Variants in NISCH observed in about 807,000 individuals in gnomAD.
The protein encoded by NISCH is nischarin.
In NISCH, 55 loss-of-function variants were observed where a neutral mutation model predicts 138.4. The ratio of observed to expected loss-of-function variants is 0.40; its 90% CI spans 0.32 to 0.50. The LOEUF (loss-of-function observed/expected upper bound fraction) is 0.50, where lower values mean the gene tolerates loss of function less well. Ranked by LOEUF, NISCH falls within the 20% of genes least tolerant of loss-of-function variation. The pLI, the probability that NISCH is intolerant of heterozygous loss-of-function variation, is 0.71. For synonymous variants in NISCH, 860 were observed against 861.5 expected, an observed-to-expected ratio of 1.00 and a Z score of 0.03; for missense variants, 1,643 against 2,005.5, an observed-to-expected ratio of 0.82 and a Z score of 3.45.
chr3:52,459,256 G>A (rs1706562375), intron 3 of NISCH, among the ~76,000 whole-genome samples: 1 of 152,188 alleles, frequency 6.6e-6, no homozygotes, highest in Non-Finnish European at 1.5e-5. Context: ...CTTGGGGCGT[G>A]TCATCAGGGT....
intron 3 of NISCH, among the ~76,000 whole-genome samples, chr3:52,467,247 C>A (rs572024517): frequency 6.6e-6 from 1 of 152,064 alleles, no homozygotes; most frequent in Non-Finnish European, 1.5e-5. Flanking sequence ...GTGATCCGCC[C>A]GCCTCGGCCT....
chr3:52,489,109 G>A (rs538123079), intron 16 of NISCH, among the ~76,000 whole-genome samples: 1 of 152,236 alleles, frequency 6.6e-6, no homozygotes, highest in South Asian at 2.1e-4. Context: ...CTCAAACTTT[G>A]GGCTCAAACA....
In NISCH at chr3:52,472,348, C is replaced by T; in HGVS notation, c.619C>T (p.Gln207Ter). Residue 207 changes from glutamine (Q) to a stop codon, truncating the protein, a stop_gained, in exon 6 of 21, where the codon CAG (glutamine) becomes TAG (stop). Coordinates refer to ENST00000345716, the MANE Select transcript of NISCH (RefSeq NM_007184.4). LOFTEE classifies it high-confidence loss of function. ...TTTTGGGACCAGCAACATTCAGGAG[C>T]AGCTCCTGCCGTTCGACCTATCAAT... ...GPFGTSNIQEQLLPFDLSIFK... is the reference protein window; with the variant it reads ...GPFGTSNIQE 1 of 1,614,156 alleles carries T rather than the reference C, an allele frequency of 6.2e-7. No individual in the cohort carries two copies. The highest frequency in any genetic ancestry group is 8.5e-7 in the Non-Finnish European group (1 of 1,180,032).
chr3:52,461,251 CAG>C (rs1706624407), intron 3 of NISCH, among the ~76,000 whole-genome samples: 2 of 152,044 alleles, frequency 1.3e-5, no homozygotes. Context: ...AAAACAAAAA[CAG>C]AAGAAACAAC....
rs1357887979 is a variant in NISCH, at chr3:52,487,986, C to T, written c.2494C>T (p.Gln832Ter). 6.2e-7 allele frequency: 1 copy of T among 1,612,502 alleles called. No homozygotes were observed. Among genetic ancestry groups the T allele is most frequent in the Non-Finnish European group, 8.5e-7 (1 of 1,179,980 alleles). The change falls in exon 16 of 21, where the codon CAG becomes TAG. Residue 832 changes from glutamine to a stop codon, truncating the protein, a stop_gained. Coordinates refer to ENST00000345716, the MANE Select transcript of NISCH (RefSeq NM_007184.4). LOFTEE classifies it high-confidence loss of function. This position sits in a 1 kb window ranked among gnomAD's most constrained non-coding sequence, Gnocchi z 9.1. ...CCTCTACGGCAGCCACACCAGCCTGCAGGAGTTCCTGCGCCAGCTGCTCAC... is the reference window on the plus strand; with the variant it reads ...CCTCTACGGCAGCCACACCAGCCTGTAGGAGTTCCTGCGCCAGCTGCTCAC... ...PILYGSHTSL[Q>*]EFLRQLLTFY...
intron 13 of NISCH, 79 bp from the exon 14 acceptor site, chr3:52,484,434 C>T: frequency 1.4e-6 from 2 of 1,416,550 alleles, no homozygotes; most frequent in Non-Finnish European, 1.9e-6. Flanking sequence ...GCCTGAGGGG[C>T]CCAGCCCCAC....
chr3:52,487,680 G>C lies in NISCH; in HGVS notation c.2188G>C (p.Val730Leu). 1 of 1,613,738 alleles carries C rather than the reference G, an allele frequency of 6.2e-7. No homozygotes were observed. The highest frequency in any genetic ancestry group is 8.5e-7 in the Non-Finnish European group (1 of 1,180,000). Residue 730 changes from valine (V) to leucine (L), a missense_variant, in exon 16 of 21, where the codon GTG (valine) becomes CTG (leucine). Coordinates refer to ENST00000345716, the MANE Select transcript of NISCH (RefSeq NM_007184.4). This position sits in a 1 kb window ranked among gnomAD's most constrained non-coding sequence, Gnocchi z 9.1. ...GSIRQFAACLVLTDFGIAVFE... is the reference protein window; with the variant it reads ...GSIRQFAACLLLTDFGIAVFE... Reference sequence around the variant, plus strand: ...TATCCGCCAGTTCGCCGCCTGCCTTGTGCTCACCGACTTCGGCATCGCAGT... The same window carrying C: ...TATCCGCCAGTTCGCCGCCTGCCTTCTGCTCACCGACTTCGGCATCGCAGT...
intron 5 of NISCH, 74 bp downstream of exon 5, chr3:52,472,051 A>C: frequency 1.4e-6 from 2 of 1,467,254 alleles, no homozygotes; most frequent in South Asian, 2.6e-5. Flanking sequence ...ACTGGCTGGC[A>C]GTTTGTGTGA....
chr3:52,486,074 GTGGCCCACAGCC>G (rs1707394751), intron 15 of NISCH, among the ~76,000 whole-genome samples: 1 of 152,236 alleles, frequency 6.6e-6, no homozygotes, highest in African/African-American at 2.4e-5. Context: ...AGGCCTGTGT[GTGGCCCACAGCC>G]TGGGAGCTAA....
chr3:52,480,287 C>T lies in NISCH; in HGVS notation c.1520C>T (p.Ser507Phe), dbSNP rs1707232430. ...GCCTCCCTGCCCCAGCCCATCCTCT[C>T]TAACCAAGGTAATCGTGTATGTATC... ...ASASLPQPIL[S>F]NQGIMFVQEE... Residue 507 changes from serine (S) to phenylalanine (F), a missense_variant, in exon 13 of 21, where the codon TCT becomes TTT. Transcript: ENST00000345716. 3 of 1,613,898 alleles carry T rather than the reference C, an allele frequency of 1.9e-6. No homozygotes were observed. Among genetic ancestry groups the T allele is most frequent in the Non-Finnish European group, 2.5e-6 (3 of 1,180,034 alleles).
chr3:52,490,851 C>T lies in NISCH; in HGVS notation c.3742+18C>T. ...GCTGACGGGTGGGTGACCCTCTGTG[C>T]TTTGTCCTATTTCGGGTGAAGGCCA... On this transcript the variant is annotated intron_variant, in intron 19 of 20. Coordinates refer to ENST00000345716, the MANE Select transcript of NISCH (RefSeq NM_007184.4). 6.2e-7 allele frequency: 1 copy of T among 1,613,736 alleles called. No individual in the cohort carries two copies. The highest frequency in any genetic ancestry group is 8.5e-7 in the Non-Finnish European group (1 of 1,179,756).
Position 52,492,192 on chromosome 3 carries a change from G to T in NISCH, c.4225G>T (p.Asp1409Tyr). 6.2e-7 allele frequency: 1 copy of T among 1,613,092 alleles called. No homozygotes were observed. Among genetic ancestry groups the T allele is most frequent in the Non-Finnish European group, 8.5e-7 (1 of 1,180,030 alleles). The change falls in exon 21 of 21, where the codon GAT becomes TAT. Residue 1409 changes from aspartate to tyrosine, a missense_variant. Coordinates refer to ENST00000345716, the MANE Select transcript of NISCH (RefSeq NM_007184.4). ...PPQRDRYRLD[D>Y]GRRVRDLDRV... ...GCAGAGAGACAGGTACCGGCTGGACGATGGCCGCCGCGTCCGGGACCTGGA... is the reference window on the plus strand; with the variant it reads ...GCAGAGAGACAGGTACCGGCTGGACTATGGCCGCCGCGTCCGGGACCTGGA...
chr3:52,492,339 C>T lies in NISCH; in HGVS notation c.4372C>T (p.Pro1458Ser). ...LDHFGEVPGG[P>S]ARASQGREVQ... Reference sequence around the variant, plus strand: ...CCACTTTGGGGAGGTGCCAGGTGGCCCGGCTAGAGCCAGCCAGGGCCGTGA... The same window carrying T: ...CCACTTTGGGGAGGTGCCAGGTGGCTCGGCTAGAGCCAGCCAGGGCCGTGA... The change falls in exon 21 of 21, where the codon CCG becomes TCG. Residue 1458 changes from proline to serine, a missense_variant. Transcript: ENST00000345716. 1 of 1,613,386 alleles carries T rather than the reference C, an allele frequency of 6.2e-7. No homozygotes were observed. The highest frequency in any genetic ancestry group is 1.3e-5 in the African/African-American group (1 of 75,058).
chr3:52,458,635 G>A, intron 2 of NISCH, 27 bp from the exon 3 acceptor site: 3 of 1,600,768 alleles, frequency 1.9e-6, no homozygotes, highest in Non-Finnish European at 1.7e-6. Flanking sequence ...CTTAGTCTGT[G>A]GTTGATGTGC....
At chr3:52,484,462 T>TTGGGGGG in intron 13 of NISCH, 51 bp from the exon 14 acceptor site, 52 of 788,660 alleles carry the variant, frequency 6.6e-5, no homozygotes, top group Non-Finnish European at 8.4e-5. Flanking sequence ...ACAGCCGCTC[T>TTGGGGGG]CCCCGCCCCA....
intron 3 of NISCH, among the ~76,000 whole-genome samples, chr3:52,467,329 T>C (rs1316071655): frequency 1.3e-5 from 2 of 152,134 alleles, no homozygotes; most frequent in Non-Finnish European, 2.9e-5. Context: ...TACATTTCAA[T>C]TCAGACATTT....
At chr3:52,467,600 G>C (rs2109558) in intron 3 of NISCH, among the ~76,000 whole-genome samples, 145,995 of 152,352 alleles carry the variant, frequency 0.96, 69,997 homozygotes, top group African/African-American at 0.98. Context: ...CAAGTAGAAA[G>C]TGTTGCAGCA....
chr3:52,484,151 C>A, intron 13 of NISCH: 1 of 209,558 alleles, frequency 4.8e-6, no homozygotes, highest in East Asian at 1.1e-4. Context: ...CGATATAAAT[C>A]CTTGTCAAAT....
intron 16 of NISCH, among the ~76,000 whole-genome samples, chr3:52,488,903 C>T (rs898139638): frequency 2.6e-5 from 4 of 152,208 alleles, no homozygotes; most frequent in African/African-American, 9.6e-5. Flanking sequence ...CCTTTGCCTG[C>T]CCAGTGGGAG....
Sources: allele counts gnomAD v4.1 joint callset (sites outside exome capture counted in the v4.1 genomes callset), GRCh38; gene constraint gnomAD v4.1.1; non-coding constraint Gnocchi (gnomAD v3.1); transcripts MANE v1.5; gene names NCBI Gene and HGNC (gene_info 2026-07-23, HGNC 2026-07-21).